The following ECE1 variants were observed in gnomAD, a reference collection of about 807,000 sequenced individuals.
The protein encoded by ECE1 is endothelin converting enzyme 1.
ECE1 carries 35 observed loss-of-function variants against 98.6 expected under a neutral mutation model. The observed-to-expected ratio is 0.35, with a 90% CI of 0.27 to 0.47. The LOEUF is 0.47. Ranked by LOEUF, ECE1 falls within the 20% of genes least tolerant of loss-of-function variation. The probability of loss-of-function intolerance (pLI) is 1.00; values close to 1 mark genes in which losing one functional copy is unlikely to be tolerated. For missense variants in ECE1, 814 were observed against 1,025.3 expected (o/e 0.79, Z 2.81); for synonymous variants, 394 against 407.1 (o/e 0.97, Z 0.39).
chr1:21,255,232 A>G (rs2098218404), intron 8 of ECE1, among the ~76,000 whole-genome samples: 2 of 152,212 alleles, frequency 1.3e-5, no homozygotes, highest in African/African-American at 2.4e-5. Flanking sequence ...TCAGCAGAGA[A>G]GCAAGGCCTG....
chr1:21,290,608 G>T (rs942166838), upstream of ECE1: 10 of 1,176,940 alleles, frequency 8.5e-6, 1 homozygote, highest in East Asian at 3.4e-4. The surrounding 1 kb of genome is among the most constrained non-coding windows in gnomAD (Gnocchi z 7.3). Context: ...CCCGGAGGTC[G>T]GGAGTGGGGG....
intron 2 of ECE1, among the ~76,000 whole-genome samples, chr1:21,286,085 C>CT (rs923826512): frequency 1.5e-4 from 22 of 151,618 alleles, no homozygotes; most frequent in African/African-American, 5.1e-4. Flanking sequence ...TCTCACCTTT[C>CT]TTTTTTTCTT....
At chr1:21,238,715 T>G (rs2098191609) in intron 10 of ECE1, among the ~76,000 whole-genome samples, 1 of 152,184 alleles carries the variant, frequency 6.6e-6, no homozygotes. Flanking sequence ...GTGACTGGTC[T>G]ACCCTGAGTC....
In ECE1 at chr1:21,295,909, G is replaced by A. The variant is rs1202171423; in HGVS notation, c.4-5753C>T. Among the ~76,000 whole-genome samples the A allele has an allele frequency of 3.9e-5, 6 of 152,100 alleles. No individual in the cohort carries two copies. The East Asian group carries it at 5.8e-4, about 15-fold the overall frequency. On this transcript the variant is annotated intron_variant, in intron 1 of 18. Coordinates refer to the ECE1 transcript ENST00000415912. ...CCCTCAGGTCTCAGTTTCTTCATCC[G>A]TAAAAGGGCCATTGTAAATACCGAG...
chr1:21,254,435 GGCAGCTGT>G (rs1018180380), intron 8 of ECE1, among the ~76,000 whole-genome samples: 17 of 152,050 alleles, frequency 1.1e-4, no homozygotes, highest in African/African-American at 4.1e-4. Context: ...CCCCCACCTT[GGCAGCTGT>G]GCAGCTGGGA....
chr1:21,230,906 G>A (rs935498453), intron 14 of ECE1, among the ~76,000 whole-genome samples: 2 of 151,886 alleles, frequency 1.3e-5, no homozygotes, highest in African/African-American at 2.4e-5. Context: ...TGGATCACCC[G>A]CAACGTCTGC....
intron 1 of ECE1, among the ~76,000 whole-genome samples, chr1:21,339,159 A>T (rs1473224819): frequency 6.6e-6 from 1 of 152,178 alleles, no homozygotes; most frequent in Non-Finnish European, 1.5e-5. Context: ...TGGGAGTCAC[A>T]AGGCCTGAGT....
chr1:21,308,856 T>TTTCCCCTCCCCTGCCC (rs1638654993), intron 1 of ECE1, among the ~76,000 whole-genome samples: 1 of 152,176 alleles, frequency 6.6e-6, no homozygotes, highest in South Asian at 2.1e-4. Context: ...TTTCCCTTGC[T>TTTCCCCTCCCCTGCCC]AGGAGCAGTT....
rs532145305 is a variant in ECE1, at chr1:21,279,287, G to A, written c.184C>T (p.Arg62Trp). ...ACCAGCCGCTTCTCCACCTGGGTCC[G>A]TGCAGCCCAGCACCTCTGGCCACTC... ...PRSGQRCWAA[R>W]TQVEKRLVVL... is the part of the protein sequence containing the mutation. Residue 62 changes from arginine (R) to tryptophan (W), a missense_variant, in exon 3 of 19, where the codon CGG (arginine) becomes TGG (tryptophan). By Grantham distance (101) the Arg-to-Trp change is moderately radical. This residue lies in a region of ECE1 where 257 missense variants were observed against 278.9 expected (regional missense o/e 0.92). Transcript: ENST00000374893. The A allele has an allele frequency of 7.4e-5, 119 of 1,614,184 alleles. No homozygotes were observed. The East Asian group carries it at 1.1e-3, about 15-fold the overall frequency.
chr1:21,241,117 A>G (rs1490851964), intron 10 of ECE1, among the ~76,000 whole-genome samples: 1 of 152,146 alleles, frequency 6.6e-6, no homozygotes, highest in Non-Finnish European at 1.5e-5. Flanking sequence ...AGCGGGCCCT[A>G]CTGCATATAC....
chr1:21,225,476 G>C lies in ECE1; in HGVS notation c.1850-36C>G. 1 of 1,608,658 alleles carries C rather than the reference G, an allele frequency of 6.2e-7. No homozygotes were observed. The highest frequency in any genetic ancestry group is 1.1e-5 in the South Asian group (1 of 90,380). ...GAGGGAGGCGTCATGTCAAGGGAGG[G>C]AGGGGCACAGCAGGGACCTGCTGCT... On this transcript the variant is annotated intron_variant, in intron 16 of 18. Coordinates refer to ENST00000374893, the MANE Select transcript of ECE1 (RefSeq NM_001397.3). This position sits in a 1 kb window ranked among gnomAD's most constrained non-coding sequence, Gnocchi z 5.3.
chr1:21,315,285 A>G (rs1018997390), intron 1 of ECE1, among the ~76,000 whole-genome samples: 4 of 151,848 alleles, frequency 2.6e-5, no homozygotes, highest in African/African-American at 9.7e-5. Context: ...TCAGGCTGCC[A>G]CCTCCATCCA....
At chr1:21,303,234 G>C (rs181200454) in intron 1 of ECE1, among the ~76,000 whole-genome samples, 1 of 152,234 alleles carries the variant, frequency 6.6e-6, no homozygotes, top group Non-Finnish European at 1.5e-5. Context: ...AGGTGGCACC[G>C]TGGTGGCTGT....
intron 4 of ECE1, among the ~76,000 whole-genome samples, chr1:21,264,110 T>TGGGGAACCGCAGCCTGAGGATGAGGG (rs2098230696): frequency 6.6e-6 from 1 of 152,056 alleles, no homozygotes; most frequent in Non-Finnish European, 1.5e-5. Flanking sequence ...CTGCTGACAC[T>TGGGGAACCGCAGCCTGAGGATGAGGG]GGGGAACCGC....
At chr1:21,224,645 G>A (rs201945220) in intron 17 of ECE1, among the ~76,000 whole-genome samples, 1 of 152,084 alleles carries the variant, frequency 6.6e-6, no homozygotes, top group East Asian at 1.9e-4. Context: ...TAATCTCTCT[G>A]ACAGACACCT....
intron 17 of ECE1, 189 bp from the exon 18 acceptor site, chr1:21,222,031 C>A (rs1558362547): frequency 1.6e-6 from 1 of 633,188 alleles, no homozygotes; most frequent in Non-Finnish European, 2.8e-6. Flanking sequence ...CTTAAAATAC[C>A]TTCTACGCAC....
rs1639437537 is a variant in ECE1 at position 21,343,261 on chromosome 1, T to C, written c.3+2115A>G. On this transcript the variant is annotated intron_variant, in intron 1 of 18. Transcript: ENST00000415912. The stretch of plus-strand genomic sequence containing the variant: ...ATAACACTGTTTATTCAGTCAATTC[T>C]TTCCTCCCTCACATGGGGTTTGGCT... 2.0e-5 allele frequency among the ~76,000 whole-genome samples: 3 copies of C among 152,230 alleles called. No homozygotes were observed. The South Asian group carries it at 6.2e-4, about 31-fold the overall frequency.
At chr1:21,263,607 G>GC (rs1167772546) in intron 4 of ECE1, among the ~76,000 whole-genome samples, 1 of 152,194 alleles carries the variant, frequency 6.6e-6, no homozygotes, top group East Asian at 1.9e-4. Flanking sequence ...GCCCACTTCA[G>GC]CCTCCCCAAA....
intron 1 of ECE1, among the ~76,000 whole-genome samples, chr1:21,341,487 GGCTAACGCCCAGA>G (rs1399719805): frequency 6.6e-6 from 1 of 152,178 alleles, no homozygotes; most frequent in Non-Finnish European, 1.5e-5. Context: ...TGGTTTTCTG[GGCTAACGCCCAGA>G]ACATTCTGCC....
Sources: gnomAD v4.1 joint callset for allele counts (sites outside exome capture counted in the v4.1 genomes callset) on GRCh38, gnomAD v4.1.1 for gene constraint, gnomAD v4.1.1 regional missense constraint, Gnocchi (gnomAD v3.1) non-coding constraint, MANE v1.5 for transcripts, NCBI Gene and HGNC (gene_info 2026-07-23, HGNC 2026-07-21) for gene names.